The following PLD5 variants were observed in gnomAD, a reference collection of about 807,000 sequenced individuals.
PLD5 encodes the protein phospholipase D family member 5.
PLD5 carries 36 observed loss-of-function variants against 61.1 expected under a neutral mutation model. That is an observed-to-expected ratio of 0.59 (90% CI 0.45 to 0.78). The LOEUF (loss-of-function observed/expected upper bound fraction) is 0.78, where lower values mean the gene tolerates loss of function less well. Ranked by LOEUF, PLD5 falls within the 30% of genes least tolerant of loss-of-function variation. The pLI, the probability that PLD5 is intolerant of heterozygous loss-of-function variation, is 0.00. For synonymous variants in PLD5, 243 were observed against 242.8 expected, an observed-to-expected ratio of 1.00 and a Z score of -0.01; for missense variants, 515 against 644.4, an observed-to-expected ratio of 0.80 and a Z score of 2.17.
Position 242,090,045 on chromosome 1 carries a change from C to T in PLD5, c.1420G>A (p.Ala474Thr). 2 of 1,614,188 alleles carry T rather than the reference C, an allele frequency of 1.2e-6. No individual in the cohort carries two copies. Among genetic ancestry groups the T allele is most frequent in the African/African-American group, 1.3e-5 (1 of 75,042 alleles). ...NAGTGLVINQ[A>T]DVRNNRSIIK... ...ATGCTTCTGTTGTTCCTCACATCTG[C>T]CTGGTTGATAACAAGGCCCGTGCCA... The change falls in exon 10 of 10, where the codon GCA (alanine) becomes ACA (threonine). Residue 474 changes from alanine (A) to threonine (T), a missense_variant. Physicochemically the swap from Ala to Thr is moderately conservative, Grantham distance 58. Transcript: ENST00000536534.
intron 5 of PLD5, among the ~76,000 whole-genome samples, chr1:242,207,814 ATT>A (rs1558343798): frequency 2.6e-4 from 16 of 61,572 alleles, no homozygotes; most frequent in Non-Finnish European, 3.9e-4. Flanking sequence ...ATATATTTAT[ATT>A]TATATATTTA....
At chr1:242,394,898 T>TTA (rs1553366819) in intron 1 of PLD5, among the ~76,000 whole-genome samples, 1 of 102,614 alleles carries the variant, frequency 9.7e-6, no homozygotes, top group Non-Finnish European at 1.9e-5. Flanking sequence ...ATATATATGA[T>TTA]TATATATGAA....
In PLD5 at chr1:242,271,632, C is replaced by T. The variant is rs56238416; in HGVS notation, c.496-6184G>A. Reference sequence around the variant, plus strand: ...TTTACACACTCAAGAATGTTACCTGCCAGGGTGAAAGAAATATTTGCAGAT... The same window carrying T: ...TTTACACACTCAAGAATGTTACCTGTCAGGGTGAAAGAAATATTTGCAGAT... On this transcript the variant is annotated intron_variant, in intron 3 of 9. Coordinates refer to ENST00000536534, the MANE Select transcript of PLD5 (RefSeq NM_001372062.1). Among the ~76,000 whole-genome samples the T allele has an allele frequency of 6.3e-3, 953 of 152,062 alleles. 10 individuals are homozygous for T. Among genetic ancestry groups the T allele is most frequent in the African/African-American group, 0.022 (915 of 41,480 alleles).
intron 1 of PLD5, among the ~76,000 whole-genome samples, chr1:242,391,138 T>A (rs1039896788): frequency 6.6e-6 from 1 of 152,074 alleles, no homozygotes; most frequent in Non-Finnish European, 1.5e-5. Flanking sequence ...GAGCTTGCAG[T>A]GAGCCGAGAT....
At chr1:242,194,529 C>T (rs1451729961) in intron 5 of PLD5, among the ~76,000 whole-genome samples, 2 of 151,988 alleles carry the variant, frequency 1.3e-5, no homozygotes, top group East Asian at 3.9e-4. Flanking sequence ...CTTCAATGCC[C>T]ATCAATCAAC....
At chr1:242,370,242 T>A (rs79805704) in intron 1 of PLD5, among the ~76,000 whole-genome samples, 3,241 of 152,310 alleles carry the variant, frequency 0.021, 51 homozygotes, top group East Asian at 0.033. Context: ...CCTTGCTTTC[T>A]ACATGCAGCC....
chr1:242,341,410 T>C (rs1047118457), intron 2 of PLD5, among the ~76,000 whole-genome samples: 12 of 152,224 alleles, frequency 7.9e-5, no homozygotes, highest in Non-Finnish European at 1.5e-4. Context: ...AGCTGAGTTA[T>C]TGATATAAAT....
At chr1:242,454,738 C>G (rs1256189783) in intron 1 of PLD5, among the ~76,000 whole-genome samples, 1 of 152,092 alleles carries the variant, frequency 6.6e-6, no homozygotes, top group African/African-American at 2.4e-5. Context: ...AGGGTAGCAG[C>G]CATTGTAGAT....
intron 1 of PLD5, among the ~76,000 whole-genome samples, chr1:242,461,234 G>C (rs1476444881): frequency 6.6e-6 from 1 of 152,310 alleles, no homozygotes; most frequent in East Asian, 1.9e-4. Flanking sequence ...ATAGAACCCT[G>C]ACAGGGAACA....
At chr1:242,138,697 C>A (rs1003057556) in intron 5 of PLD5, among the ~76,000 whole-genome samples, 19 of 152,188 alleles carry the variant, frequency 1.2e-4, no homozygotes, top group African/African-American at 4.1e-4. Flanking sequence ...TGGAGAAAGG[C>A]CAATCTGCTC....
At chr1:242,383,704 C>T (rs1020988443) in intron 1 of PLD5, among the ~76,000 whole-genome samples, 2 of 152,060 alleles carry the variant, frequency 1.3e-5, no homozygotes, top group Non-Finnish European at 2.9e-5. Flanking sequence ...CTCACCAAGA[C>T]TAGAAAAATC....
intron 1 of PLD5, among the ~76,000 whole-genome samples, chr1:242,407,884 C>T (rs1286062681): frequency 6.6e-6 from 1 of 151,388 alleles, no homozygotes; most frequent in African/African-American, 2.4e-5. Context: ...GCCAAATATA[C>T]AGATTTTAAA....
intron 1 of PLD5, among the ~76,000 whole-genome samples, chr1:242,396,840 C>T (rs929268946): frequency 2.0e-5 from 3 of 151,898 alleles, no homozygotes; most frequent in African/African-American, 7.3e-5. Flanking sequence ...CCACCAAGCC[C>T]AGCTAATTTT....
chr1:242,358,257 T>C (rs1660867936), intron 1 of PLD5, among the ~76,000 whole-genome samples: 1 of 152,226 alleles, frequency 6.6e-6, no homozygotes, highest in African/African-American at 2.4e-5. Flanking sequence ...TTAGTGTCCA[T>C]TGTTGGAGTT....
intron 5 of PLD5, among the ~76,000 whole-genome samples, chr1:242,144,837 C>T (rs1664436938): frequency 6.6e-6 from 1 of 151,928 alleles, no homozygotes; most frequent in South Asian, 2.1e-4. Flanking sequence ...TCCTGGGTTT[C>T]TTAAGTGGGT....
chr1:242,232,179 T>C (rs1002898055), intron 4 of PLD5, among the ~76,000 whole-genome samples: 11 of 152,258 alleles, frequency 7.2e-5, no homozygotes, highest in African/African-American at 2.6e-4. Flanking sequence ...TATCATAATA[T>C]AATTTCAGAA....
At chr1:242,400,949 C>T (rs1663897064) in intron 1 of PLD5, among the ~76,000 whole-genome samples, 1 of 152,170 alleles carries the variant, frequency 6.6e-6, no homozygotes. Context: ...CCAATAATGG[C>T]TAAATTTTTA....
intron 2 of PLD5, among the ~76,000 whole-genome samples, chr1:242,335,815 T>C (rs887013775): frequency 9.9e-5 from 15 of 152,220 alleles, no homozygotes; most frequent in African/African-American, 3.1e-4. Context: ...TAACTGCCTA[T>C]GAAAATTTCC....
At chr1:242,397,512 TA>T (rs34279686) in intron 1 of PLD5, among the ~76,000 whole-genome samples, 64,511 of 151,464 alleles carry the variant, frequency 0.43, 14,226 homozygotes, top group African/African-American at 0.54. Context: ...GTTGATAGAT[TA>T]AAAAAACTAA....
Sources: gnomAD v4.1 joint callset for allele counts (sites outside exome capture counted in the v4.1 genomes callset) on GRCh38, gnomAD v4.1.1 for gene constraint, MANE v1.5 for transcripts, NCBI Gene and HGNC (gene_info 2026-07-23, HGNC 2026-07-21) for gene names.